Variants in PRKAR1B observed in about 807,000 individuals in gnomAD.
The protein encoded by PRKAR1B is protein kinase cAMP-dependent type I regulatory subunit beta, also known as cAMP-dependent protein kinase type I-beta regulatory subunit.
Under a neutral mutation model 46.5 loss-of-function variants are expected in PRKAR1B, and 22 were observed. The observed-to-expected ratio is 0.47, with a 90% CI of 0.34 to 0.68. PRKAR1B has a LOEUF of 0.68. PRKAR1B is among the 30% of genes least tolerant of loss of function. The pLI, the probability that PRKAR1B is intolerant of heterozygous loss-of-function variation, is 0.01. For synonymous variants in PRKAR1B, 259 were observed against 217.7 expected, an observed-to-expected ratio of 1.19 and a Z score of -1.67; for missense variants, 445 against 535.6, an observed-to-expected ratio of 0.83 and a Z score of 1.67.
intron 4 of PRKAR1B, among the ~76,000 whole-genome samples, chr7:676,834 G>T (rs912351722): frequency 6.7e-6 from 1 of 149,442 alleles, no homozygotes; most frequent in South Asian, 2.2e-4. Context: ...CTCCCCGAGG[G>T]CAAGGAGGGT....
chr7:638,852 G>A (rs577362273), intron 4 of PRKAR1B, among the ~76,000 whole-genome samples: 20 of 152,130 alleles, frequency 1.3e-4, no homozygotes, highest in Non-Finnish European at 2.4e-4. Context: ...TGAAGCGGGC[G>A]GATCACTTGA....
At chr7:564,803 C>T (rs532041179) in intron 9 of PRKAR1B, among the ~76,000 whole-genome samples, 10 of 152,342 alleles carry the variant, frequency 6.6e-5, no homozygotes, top group African/African-American at 1.4e-4. Context: ...CCAGAGTGAA[C>T]TCCCGAGACG....
chr7:617,802 C>A (rs143800610), intron 4 of PRKAR1B, among the ~76,000 whole-genome samples: 1 of 152,198 alleles, frequency 6.6e-6, no homozygotes, highest in Non-Finnish European at 1.5e-5. Context: ...GCAGGTCGGA[C>A]GGAAAGCAAA....
At chr7:596,920 G>T (rs1433319710) in intron 6 of PRKAR1B, among the ~76,000 whole-genome samples, 1 of 152,264 alleles carries the variant, frequency 6.6e-6, no homozygotes, top group Non-Finnish European at 1.5e-5. Flanking sequence ...AGTCTGAATG[G>T]GCGCCCTATG....
chr7:664,422 G>A (rs1398927303), intron 4 of PRKAR1B, among the ~76,000 whole-genome samples: 1 of 152,218 alleles, frequency 6.6e-6, no homozygotes, highest in Non-Finnish European at 1.5e-5. Flanking sequence ...GCCCGGGGCA[G>A]TGGGCCTTCC....
rs148322643 is a variant in PRKAR1B at position 613,585 on chromosome 7, C to T, written c.441-6133G>A. ...CAAGCTCAGCCCCTGAAATCACACA[C>T]GCGGGGTTGAACGTGAGTAACTCAG... On this transcript the variant is annotated intron_variant, in intron 4 of 10. Transcript: ENST00000537384. Among the ~76,000 whole-genome samples the T allele has an allele frequency of 5.1e-3, 774 of 152,314 alleles. 4 individuals are homozygous for T. The highest frequency in any genetic ancestry group is 0.025 in the South Asian group (120 of 4,832).
chr7:682,426 G>A (rs1215969272), intron 2 of PRKAR1B, among the ~76,000 whole-genome samples: 4 of 151,978 alleles, frequency 2.6e-5, no homozygotes, highest in African/African-American at 9.7e-5. Flanking sequence ...GACCAGCCTG[G>A]GCAACATAGT....
At chr7:674,176 C>T (rs1325021821) in intron 4 of PRKAR1B, among the ~76,000 whole-genome samples, 3 of 152,216 alleles carry the variant, frequency 2.0e-5, no homozygotes, top group African/African-American at 7.2e-5. Context: ...GGCCTGGACA[C>T]CTCCCAGGAT....
chr7:722,156 G>A (rs1037950615), intron 1 of PRKAR1B, among the ~76,000 whole-genome samples: 5 of 145,984 alleles, frequency 3.4e-5, no homozygotes, highest in African/African-American at 5.1e-5. Context: ...GCTGGAGTGC[G>A]GTGGCATGAT....
At chr7:573,421 C>A (rs1397802565) in intron 9 of PRKAR1B, among the ~76,000 whole-genome samples, 3 of 152,074 alleles carry the variant, frequency 2.0e-5, no homozygotes, top group Admixed American at 6.5e-5. Flanking sequence ...GGCCCCTCCC[C>A]ACATGCCCCT....
intron 9 of PRKAR1B, among the ~76,000 whole-genome samples, chr7:558,614 G>A (rs894046768): frequency 2.6e-5 from 4 of 152,188 alleles, no homozygotes; most frequent in African/African-American, 7.2e-5. Context: ...AAATTAGCCA[G>A]GCGTGGTGCG....
At chr7:694,210 G>A (rs546115227) in intron 2 of PRKAR1B, among the ~76,000 whole-genome samples, 41 of 152,158 alleles carry the variant, frequency 2.7e-4, no homozygotes, top group African/African-American at 5.5e-4. Context: ...ACATGAACCC[G>A]GGAGGCACAG....
chr7:659,764 T>C (rs933723875), intron 4 of PRKAR1B, among the ~76,000 whole-genome samples: 1 of 152,182 alleles, frequency 6.6e-6, no homozygotes, highest in Non-Finnish European at 1.5e-5. Context: ...CCCAGTGCAG[T>C]GGCGCGATCT....
chr7:680,917 T>C (rs967615185), intron 2 of PRKAR1B, among the ~76,000 whole-genome samples, 191 bp from the exon 3 acceptor site: 1 of 152,082 alleles, frequency 6.6e-6, no homozygotes, highest in Non-Finnish European at 1.5e-5. Context: ...CAAATTTCAC[T>C]TTGTGTCCCC....
chr7:649,766 A>G (rs1784798257), intron 4 of PRKAR1B, among the ~76,000 whole-genome samples: 1 of 150,728 alleles, frequency 6.6e-6, no homozygotes, highest in Admixed American at 6.6e-5. Context: ...GTGTCTTGCT[A>G]TGTTGCCCAG....
At chr7:551,102 CTG>C (rs1216300055) in intron 10 of PRKAR1B, among the ~76,000 whole-genome samples, 1 of 152,136 alleles carries the variant, frequency 6.6e-6, no homozygotes, top group African/African-American at 2.4e-5. Flanking sequence ...GATGGCTACA[CTG>C]TGCCCCCTCA....
At chr7:640,765 A>AAC (rs71546454) in intron 4 of PRKAR1B, among the ~76,000 whole-genome samples, 10,937 of 107,964 alleles carry the variant, frequency 0.1, 527 homozygotes, top group Middle Eastern at 0.14. Flanking sequence ...CTCTGTCTCA[A>AAC]ACACACACAC....
intron 2 of PRKAR1B, among the ~76,000 whole-genome samples, chr7:706,396 C>T (rs1007103808): frequency 1.3e-4 from 20 of 150,794 alleles, no homozygotes; most frequent in Non-Finnish European, 1.9e-4. Context: ...GAAACTCCCA[C>T]GCTGTGTTTT....
At chr7:571,222 G>T (rs1424142049) in intron 9 of PRKAR1B, among the ~76,000 whole-genome samples, 8 of 152,078 alleles carry the variant, frequency 5.3e-5, no homozygotes, top group Admixed American at 5.2e-4. Context: ...CCCCAGCCAG[G>T]AGCCTCGCAG....
Sources: gnomAD v4.1 joint callset for allele counts (sites outside exome capture counted in the v4.1 genomes callset) on GRCh38, gnomAD v4.1.1 for gene constraint, MANE v1.5 for transcripts, NCBI Gene and HGNC (gene_info 2026-07-23, HGNC 2026-07-21) for gene names.